The following DLEU7 variants were observed in gnomAD, a reference collection of about 807,000 sequenced individuals.
The protein encoded by DLEU7 is deleted in lymphocytic leukemia 7, also known as leukemia-associated protein 7.
A neutral mutation model predicts 16.0 loss-of-function variants in DLEU7; 17 were observed. The ratio of observed to expected loss-of-function variants is 1.06; its 90% CI spans 0.73 to 1.59. DLEU7 has a LOEUF of 1.59. Among genes scored for constraint, DLEU7 ranks in the 40% most tolerant of loss-of-function variants. The pLI is 0.00. For missense variants in DLEU7, 308 were observed against 314.9 expected (o/e 0.98, Z 0.17); for synonymous variants, 113 against 139.8 (o/e 0.81, Z 1.35).
intron 1 of DLEU7, among the ~76,000 whole-genome samples, chr13:50,770,418 T>A (rs556114493): frequency 1.3e-5 from 2 of 152,174 alleles, no homozygotes; most frequent in Non-Finnish European, 2.9e-5. Flanking sequence ...TTTTCATAAA[T>A]AGCTCTTATT....
intron 1 of DLEU7, among the ~76,000 whole-genome samples, chr13:50,802,455 A>G (rs1002137643): frequency 2.0e-5 from 3 of 152,172 alleles, no homozygotes; most frequent in South Asian, 4.1e-4. Context: ...TAGCAAGCCC[A>G]TGTTCTTCAT....
intron 1 of DLEU7, among the ~76,000 whole-genome samples, chr13:50,732,328 G>A (rs1873933485): frequency 1.3e-5 from 2 of 151,908 alleles, no homozygotes; most frequent in Non-Finnish European, 2.9e-5. Context: ...GCTCATGTTC[G>A]AGCTGGGCAT....
intron 1 of DLEU7, among the ~76,000 whole-genome samples, chr13:50,835,498 C>A (rs1414442638): frequency 2.6e-5 from 4 of 152,306 alleles, no homozygotes; most frequent in African/African-American, 9.6e-5. Context: ...GTACGAAGCT[C>A]AAAAATTGGC....
rs1875657495 is a variant in DLEU7 at position 50,781,846 on chromosome 13, A to G, written c.459+61342T>C. ...TATTTGCAAATATTTGTGAGATTAA[A>G]AAATAGATGGCTTTGATTTTAAGAT... On this transcript the variant is annotated intron_variant, in intron 1 of 1. Coordinates refer to the DLEU7 transcript ENST00000400393. 1.3e-5 allele frequency among the ~76,000 whole-genome samples: 2 copies of G among 152,266 alleles called. 1 individual carries two copies. Among genetic ancestry groups the G allele is most frequent in the South Asian group, 4.1e-4 (2 of 4,830 alleles).
In DLEU7 at chr13:50,843,400, C is replaced by T; in HGVS notation, c.247G>A (p.Ala83Thr). 1 of 1,319,708 alleles carries T rather than the reference C, an allele frequency of 7.6e-7. No homozygotes were observed. The highest frequency in any genetic ancestry group is 9.6e-7 in the Non-Finnish European group (1 of 1,038,100). 81.7% of individuals were successfully genotyped at this position (1,319,708 alleles called of 1,614,324 possible). The change falls in exon 1 of 2, where the codon GCG becomes ACG. Residue 83 changes from alanine to threonine, a missense_variant. Transcript: ENST00000504404. The surrounding 1 kb of genome is among the most constrained non-coding windows in gnomAD (Gnocchi z 5.7). ...GTRSRRTAAR[A>T]NSPEEEVVRG... ...ACTACCTCCTCCTCTGGGGAGTTCG[C>T]CCGCGCCGCGGTCCGCCGACTCCTG... is the stretch of plus-strand genomic sequence containing the variant.
At chr13:50,826,045 T>G (rs556750987) in intron 1 of DLEU7, among the ~76,000 whole-genome samples, 46 of 136,962 alleles carry the variant, frequency 3.4e-4, no homozygotes, top group African/African-American at 1.2e-3. Context: ...ATGTGTGATG[T>G]TCCCCACCCG....
chr13:50,718,696 A>G (rs1411509206), intron 1 of DLEU7, among the ~76,000 whole-genome samples: 4 of 152,196 alleles, frequency 2.6e-5, no homozygotes, highest in Non-Finnish European at 5.9e-5. Context: ...ATATTTCCCC[A>G]TTTTTATTCA....
rs906828966 is a variant in DLEU7 at position 50,823,249 on chromosome 13, G to A, written c.*65C>T. 4 of 1,522,920 alleles carry A rather than the reference G, an allele frequency of 2.6e-6. No individual in the cohort carries two copies. The highest frequency in any genetic ancestry group is 2.6e-6 in the Non-Finnish European group (3 of 1,136,826). 94.3% of individuals were successfully genotyped at this position (1,522,920 alleles called of 1,614,324 possible). ...ATCCATTGTCTGCTGACTCAATTAG[G>A]AAGGTAAGGTATCTGGTTCTCTTAA... is the stretch of plus-strand genomic sequence containing the variant. On this transcript the variant is annotated 3_prime_UTR_variant, in exon 2 of 2. Transcript: ENST00000504404.
intron 1 of DLEU7, among the ~76,000 whole-genome samples, chr13:50,723,811 T>A (rs546719603): frequency 6.6e-6 from 1 of 151,934 alleles, no homozygotes; most frequent in South Asian, 2.1e-4. Context: ...GCAGTATGGT[T>A]CAGTCTATAG....
chr13:50,777,277 T>C (rs904497725), intron 1 of DLEU7, among the ~76,000 whole-genome samples: 1 of 152,142 alleles, frequency 6.6e-6, no homozygotes, highest in Non-Finnish European at 1.5e-5. Flanking sequence ...CAAAGGAGAT[T>C]AACATTTGAG....
At chr13:50,734,107 T>G (rs894838135) in intron 1 of DLEU7, among the ~76,000 whole-genome samples, 1 of 152,124 alleles carries the variant, frequency 6.6e-6, no homozygotes, top group Non-Finnish European at 1.5e-5. Context: ...GAACAAGGAG[T>G]TCCACATTTT....
rs1047202189 is a variant in DLEU7, at chr13:50,843,456, C to A, written c.191G>T (p.Gly64Val). Residue 64 changes from glycine to valine, a missense_variant, in exon 1 of 2, where the codon GGG becomes GTG. Transcript: ENST00000504404. This position sits in a 1 kb window ranked among gnomAD's most constrained non-coding sequence, Gnocchi z 5.7. The stretch of plus-strand genomic sequence containing the variant: ...CACGCCCCCGCCCCGCTCCTCGCGC[C>A]CGGGCCCCGGCCGGGCCCGCGGCGG... ...SGPPRARPGP[G>V]REERGGGVGT... The A allele has an allele frequency of 5.3e-6, 7 of 1,323,358 alleles. No individual in the cohort carries two copies. The African/African-American group carries it at 7.7e-5, about 15-fold the overall frequency. 82.0% of individuals were successfully genotyped at this position (1,323,358 alleles called of 1,614,324 possible). A position where few individuals can be genotyped will look rare whatever the true frequency, so the allele number is the denominator to read the frequency against.
At chr13:50,813,312 A>G (rs1422073943) in intron 1 of DLEU7, among the ~76,000 whole-genome samples, 1 of 152,158 alleles carries the variant, frequency 6.6e-6, no homozygotes, top group African/African-American at 2.4e-5. Context: ...TATATCCAAT[A>G]TATATACACT....
chr13:50,752,211 C>G (rs1208635954), intron 1 of DLEU7, among the ~76,000 whole-genome samples: 1 of 152,056 alleles, frequency 6.6e-6, no homozygotes, highest in East Asian at 1.9e-4. Context: ...ACCACTACTC[C>G]TGGCTAATTT....
At chr13:50,826,463 G>A (rs1379668609) in intron 1 of DLEU7, among the ~76,000 whole-genome samples, 1 of 152,048 alleles carries the variant, frequency 6.6e-6, no homozygotes, top group Non-Finnish European at 1.5e-5. Flanking sequence ...TATAAAGTGA[G>A]GATGAGGAAA....
At chr13:50,737,660 C>T (rs1038341135) in intron 1 of DLEU7, among the ~76,000 whole-genome samples, 1 of 152,086 alleles carries the variant, frequency 6.6e-6, no homozygotes, top group Admixed American at 6.6e-5. Context: ...CAATGTTGTG[C>T]GTGTTCCGAC....
At chr13:50,813,582 T>A (rs1379521191) in intron 1 of DLEU7, among the ~76,000 whole-genome samples, 1 of 152,132 alleles carries the variant, frequency 6.6e-6, no homozygotes, top group Non-Finnish European at 1.5e-5. Context: ...CAAATGTCAT[T>A]TTTTGATCTT....
intron 1 of DLEU7, among the ~76,000 whole-genome samples, chr13:50,744,064 A>G (rs535663794): frequency 4.9e-4 from 75 of 152,260 alleles, no homozygotes; most frequent in African/African-American, 1.7e-3. Flanking sequence ...AGGAGAAGGG[A>G]TATATGCTTC....
intron 1 of DLEU7, among the ~76,000 whole-genome samples, chr13:50,716,007 A>C (rs556995282): frequency 1.3e-5 from 2 of 152,354 alleles, no homozygotes; most frequent in South Asian, 4.1e-4. Context: ...GGGACACAGG[A>C]AGCTTTGATG....
Sources: gnomAD v4.1 joint callset for allele counts (sites outside exome capture counted in the v4.1 genomes callset) on GRCh38, gnomAD v4.1.1 for gene constraint, Gnocchi (gnomAD v3.1) non-coding constraint, MANE v1.5 for transcripts, NCBI Gene and HGNC (gene_info 2026-07-23, HGNC 2026-07-21) for gene names.